Variants in FKTN observed in about 807,000 individuals in gnomAD.
The protein encoded by FKTN is ribitol-5-phosphate transferase FKTN.
FKTN carries 47 observed loss-of-function variants against 58.6 expected under a neutral mutation model. That is an observed-to-expected ratio of 0.80 (90% CI 0.63 to 1.02). The LOEUF (loss-of-function observed/expected upper bound fraction) is 1.02, where lower values mean the gene tolerates loss of function less well. FKTN is among the 50% of genes least tolerant of loss of function. FKTN has a pLI of 0.00. For missense variants in FKTN, 516 were observed against 537.3 expected (o/e 0.96, Z 0.39); for synonymous variants, 178 against 191.9 (o/e 0.93, Z 0.60).
intron 9 of FKTN, among the ~76,000 whole-genome samples, chr9:105,618,705 T>G (rs1405383680): frequency 6.6e-6 from 1 of 152,204 alleles, no homozygotes; most frequent in Non-Finnish European, 1.5e-5. Flanking sequence ...CCTAAGCCCA[T>G]GATCTCTTGC....
At chr9:105,572,230 G>GTATATATATA (rs35917146) in intron 1 of FKTN, among the ~76,000 whole-genome samples, 1 of 146,222 alleles carries the variant, frequency 6.8e-6, no homozygotes, top group Non-Finnish European at 1.5e-5. Flanking sequence ...TCTTGAGACT[G>GTATATATATA]TATATATATA....
intron 10 of FKTN, among the ~76,000 whole-genome samples, chr9:105,632,593 C>G (rs1375889628): frequency 2.6e-5 from 4 of 151,872 alleles, no homozygotes; most frequent in Non-Finnish European, 5.9e-5. Context: ...ATAGGTTGTG[C>G]TTAAACTGAT....
chr9:105,571,556 TATTA>T (rs1355671272), intron 1 of FKTN, among the ~76,000 whole-genome samples: 1 of 152,190 alleles, frequency 6.6e-6, no homozygotes, highest in Non-Finnish European at 1.5e-5. Context: ...AAGAACAAGA[TATTA>T]ATTTAGATTT....
At chr9:105,560,492 T>C (rs1838086635) in intron 1 of FKTN, among the ~76,000 whole-genome samples, 1 of 152,252 alleles carries the variant, frequency 6.6e-6, no homozygotes, top group Non-Finnish European at 1.5e-5. Context: ...AAAATAATTT[T>C]ACTTCTTATG....
In FKTN at chr9:105,637,903, A is replaced by C. The variant is rs1028241494; in HGVS notation, c.*2639A>C. 8 of 985,218 alleles carry C rather than the reference A, an allele frequency of 8.1e-6. No individual in the cohort carries two copies. The East Asian group carries it at 9.1e-4, about 112-fold the overall frequency. The allele number at this position is 985,218 out of a possible 1,614,324, so 61.0% of individuals were successfully genotyped here. A position where few individuals can be genotyped will look rare whatever the true frequency, so the allele number is the denominator to read the frequency against. On this transcript the variant is annotated 3_prime_UTR_variant, in exon 11 of 11. Coordinates refer to ENST00000357998, the MANE Select transcript of FKTN (RefSeq NM_001079802.2). ...TAGTTCCTAAAATTGAGCATCCCTA[A>C]GAGTAGCTGCTTGGTGGGACAGCTG...
At chr9:105,592,382 T>C (rs995172172) in intron 3 of FKTN, among the ~76,000 whole-genome samples, 3 of 152,198 alleles carry the variant, frequency 2.0e-5, no homozygotes, top group African/African-American at 7.2e-5. Context: ...CTCATGCCTA[T>C]AATCTCAGCA....
At chr9:105,564,528 A>C (rs897642908) in intron 1 of FKTN, among the ~76,000 whole-genome samples, 21 of 152,370 alleles carry the variant, frequency 1.4e-4, no homozygotes, top group Admixed American at 2.0e-4. Flanking sequence ...CGATTTGATC[A>C]ACTGGAAGAA....
At chr9:105,632,747 A>C (rs547380294) in intron 10 of FKTN, among the ~76,000 whole-genome samples, 2 of 152,228 alleles carry the variant, frequency 1.3e-5, no homozygotes, top group Non-Finnish European at 2.9e-5. Flanking sequence ...GTGGTATGAA[A>C]TAGAAAATGG....
chr9:105,595,873 A>G (rs879599414), intron 3 of FKTN, among the ~76,000 whole-genome samples: 1 of 152,166 alleles, frequency 6.6e-6, no homozygotes, highest in Non-Finnish European at 1.5e-5. Context: ...GGCATAAGAA[A>G]CTTATTTGGA....
Position 105,639,458 on chromosome 9 carries a change from G to A in FKTN, c.*4194G>A, listed in dbSNP as rs1834276221. The A allele has an allele frequency of 1.6e-6, 1 of 623,850 alleles. No individual in the cohort carries two copies. The highest frequency in any genetic ancestry group is 6.3e-5 in the Admixed American group (1 of 15,790). 38.6% of individuals were successfully genotyped at this position (623,850 alleles called of 1,614,324 possible). On this transcript the variant is annotated 3_prime_UTR_variant, in exon 11 of 11. Coordinates refer to ENST00000357998, the MANE Select transcript of FKTN (RefSeq NM_001079802.2). ...TGGGGAAATGATACATACTTCTAAGGGTTTTTAGGGGGATTAAATGAAGTA... is the reference window on the plus strand; with the variant it reads ...TGGGGAAATGATACATACTTCTAAGAGTTTTTAGGGGGATTAAATGAAGTA...
In FKTN at chr9:105,596,079, T is replaced by G. The variant is rs116334385; in HGVS notation, c.106-519T>G. 9.1e-3 allele frequency among the ~76,000 whole-genome samples: 1,379 copies of G among 152,304 alleles called. 22 individuals carry two copies. Among genetic ancestry groups the G allele is most frequent in the African/African-American group, 0.032 (1,321 of 41,568 alleles). Reference sequence around the variant, plus strand: ...TGTATGTTAGGCAAAGCGTGCATACTGGTGCTATCTGCAAAACAAATAATA... The same window carrying G: ...TGTATGTTAGGCAAAGCGTGCATACGGGTGCTATCTGCAAAACAAATAATA... On this transcript the variant is annotated intron_variant, in intron 3 of 10. Transcript: ENST00000357998.
In FKTN at chr9:105,637,939, T is replaced by C; in HGVS notation, c.*2675T>C. Reference sequence around the variant, plus strand: ...TTGGTGGGACAGCTGATTTCTTTGATTCCCTAGCTGCAAAACCTGAAATTG... The same window carrying C: ...TTGGTGGGACAGCTGATTTCTTTGACTCCCTAGCTGCAAAACCTGAAATTG... On this transcript the variant is annotated 3_prime_UTR_variant, in exon 11 of 11. Transcript: ENST00000357998. 1 of 985,390 alleles carries C rather than the reference T, an allele frequency of 1.0e-6. No individual in the cohort carries two copies. Among genetic ancestry groups the C allele is most frequent in the Non-Finnish European group, 1.2e-6 (1 of 829,916 alleles). 61.0% of individuals were successfully genotyped at this position (985,390 alleles called of 1,614,324 possible). A position where few individuals can be genotyped will look rare whatever the true frequency, so the allele number is the denominator to read the frequency against.
chr9:105,610,258 G>C (rs531138097), intron 7 of FKTN, among the ~76,000 whole-genome samples: 1 of 152,120 alleles, frequency 6.6e-6, no homozygotes, highest in South Asian at 2.1e-4. Flanking sequence ...TGGATGCCAG[G>C]TGTACCCATT....
Position 105,601,272 on chromosome 9 carries a change from C to G in FKTN, c.293C>G (p.Thr98Ser), listed in dbSNP as rs376452959. 20 of 1,612,598 alleles carry G rather than the reference C, an allele frequency of 1.2e-5. No individual in the cohort carries two copies. In the African/African-American group the frequency reaches 1.7e-4, roughly 14 times the overall value. Reference protein sequence around the residue: ...EQVKNTSHGSTSQCKFFCVPR... With the variant: ...EQVKNTSHGSSSQCKFFCVPR... ...GTCAAAAATACTTCTCATGGCTCTA[C>G]TTCACAATGCAAGTTTTTCTGTGTT... The change falls in exon 5 of 11, where the codon ACT (threonine) becomes AGT (serine). Residue 98 changes from threonine (T) to serine (S), a missense_variant. Physicochemically the swap from Thr to Ser is moderately conservative, Grantham distance 58. Transcript: ENST00000357998.
In FKTN at chr9:105,604,375, A is replaced by C; in HGVS notation, c.530A>C (p.His177Pro). The change falls in exon 6 of 11, where the codon CAT (histidine) becomes CCT (proline). Residue 177 changes from histidine to proline, a missense_variant. His to Pro is a moderately conservative substitution (Grantham distance 77). Transcript: ENST00000357998. ...CATGCGATCCACTTGGTAGTCTTTC[A>C]TGAGAGGAGTGGCAACTACCTCTGG... ...ATHAIHLVVFHERSGNYLWHG... is the reference protein window; with the variant it reads ...ATHAIHLVVFPERSGNYLWHG... 5 of 1,614,154 alleles carry C rather than the reference A, an allele frequency of 3.1e-6. No homozygotes were observed. Among genetic ancestry groups the C allele is most frequent in the Non-Finnish European group, 4.2e-6 (5 of 1,179,980 alleles).
intron 5 of FKTN, 63 bp from the exon 6 acceptor site, chr9:105,604,152 T>C: frequency 6.5e-7 from 1 of 1,539,526 alleles, no homozygotes; most frequent in Non-Finnish European, 9.0e-7. Flanking sequence ...CTACTAGTAT[T>C]TGGCTTTAAA....
intron 5 of FKTN, 100 bp downstream of exon 5, chr9:105,601,448 A>T: frequency 3.8e-6 from 3 of 780,676 alleles, no homozygotes; most frequent in Non-Finnish European, 6.5e-6. Context: ...TTTTTCCTGA[A>T]ACACTTTATA....
intron 3 of FKTN, among the ~76,000 whole-genome samples, chr9:105,582,693 A>C (rs1843223901): frequency 6.6e-6 from 1 of 152,170 alleles, no homozygotes; most frequent in Non-Finnish European, 1.5e-5. Context: ...TGACATCTTC[A>C]ACCCTTTCCT....
intron 3 of FKTN, among the ~76,000 whole-genome samples, chr9:105,591,016 C>G (rs1194945107): frequency 2.6e-5 from 4 of 152,116 alleles, no homozygotes; most frequent in Admixed American, 2.6e-4. Flanking sequence ...GGAACTCACT[C>G]ACTCCCTATC....
Sources: allele counts gnomAD v4.1 joint callset (sites outside exome capture counted in the v4.1 genomes callset), GRCh38; gene constraint gnomAD v4.1.1; transcripts MANE v1.5; gene names NCBI Gene and HGNC (gene_info 2026-07-23, HGNC 2026-07-21).